CRIM1: variants seen among roughly 807,000 people sequenced by gnomAD.
CRIM1 encodes cysteine rich transmembrane BMP regulator 1, also known as cysteine-rich motor neuron 1 protein.
Under a neutral mutation model 116.4 loss-of-function variants are expected in CRIM1, and 32 were observed. That is an observed-to-expected ratio of 0.27 (90% CI 0.21 to 0.37). The LOEUF is 0.37. Among genes scored for constraint, CRIM1 ranks in the 10% least tolerant of loss-of-function variants. CRIM1 has a pLI of 1.00. For synonymous variants in CRIM1, 590 were observed against 509.2 expected (o/e 1.16, Z -2.13); for missense variants, 1,331 against 1,354.8 (o/e 0.98, Z 0.28).
intron 13 of CRIM1, among the ~76,000 whole-genome samples, chr2:36,535,836 A>G (rs771361992): frequency 5.3e-5 from 8 of 152,238 alleles, no homozygotes; most frequent in Non-Finnish European, 1.0e-4. Flanking sequence ...AATATAGTAT[A>G]ACAACTATTT....
At chr2:36,380,718 C>T (rs939060269) in intron 1 of CRIM1, among the ~76,000 whole-genome samples, 2 of 152,068 alleles carry the variant, frequency 1.3e-5, no homozygotes, top group South Asian at 2.1e-4. Flanking sequence ...TATTTCTGTT[C>T]GTTAGCCAAA....
chr2:36,412,302 G>A (rs1006918623), intron 2 of CRIM1, among the ~76,000 whole-genome samples: 1 of 144,368 alleles, frequency 6.9e-6, no homozygotes, highest in South Asian at 2.2e-4. Context: ...GGGGGCGCAC[G>A]GAATACCGAG....
intron 5 of CRIM1, among the ~76,000 whole-genome samples, chr2:36,466,154 G>A (rs1255889986): frequency 1.3e-5 from 2 of 152,090 alleles, no homozygotes; most frequent in African/African-American, 2.4e-5. Context: ...CCAAGGTACT[G>A]GGATTACACG....
At position 36,398,452 on chromosome 2, in the gene CRIM1, G is replaced by A. The variant is rs77632691; in HGVS notation, c.505+1665G>A. Among the ~76,000 whole-genome samples, 1,105 of 152,296 alleles carry A rather than the reference G, an allele frequency of 7.3e-3. 11 individuals are homozygous for A. The highest frequency in any genetic ancestry group is 0.025 in the African/African-American group (1,038 of 41,560). On this transcript the variant is annotated intron_variant, in intron 2 of 16. Coordinates refer to ENST00000280527, the MANE Select transcript of CRIM1 (RefSeq NM_016441.3). ...GGACAATTGCATTTGTAATTAGTTA[G>A]GCGTGTATTTATGATCTTTGCAATG...
chr2:36,367,760 A>T (rs2148295142), intron 1 of CRIM1, among the ~76,000 whole-genome samples: 1 of 152,320 alleles, frequency 6.6e-6, no homozygotes, highest in East Asian at 1.9e-4. Context: ...GGCAGTGGAG[A>T]CAGTAAAGCG....
chr2:36,500,449 A>T (rs1433598081), intron 8 of CRIM1, among the ~76,000 whole-genome samples: 2 of 152,218 alleles, frequency 1.3e-5, no homozygotes. Flanking sequence ...AGTAGCTAAA[A>T]ACACTAGGAA....
chr2:36,504,509 A>G (rs921934229), intron 8 of CRIM1, among the ~76,000 whole-genome samples: 1 of 152,234 alleles, frequency 6.6e-6, no homozygotes, highest in African/African-American at 2.4e-5. Flanking sequence ...ACATAACGTA[A>G]TTTGCCGTTT....
rs562274802 is a variant in CRIM1 at position 36,475,003 on chromosome 2, T to C, written c.992-1886T>C. ...CCACATAGTCTTGATTACTATAGCA[T>C]TGTATTATGTTTTGAAATTAGGAAG... On this transcript the variant is annotated intron_variant, in intron 5 of 16. Transcript: ENST00000280527. Among the ~76,000 whole-genome samples the C allele has an allele frequency of 1.5e-3, 236 of 152,340 alleles. 1 individual carries two copies. The highest frequency in any genetic ancestry group is 4.4e-3 in the Admixed American group (68 of 15,308).
At chr2:36,402,726 A>T (rs961183025) in intron 2 of CRIM1, among the ~76,000 whole-genome samples, 2 of 141,982 alleles carry the variant, frequency 1.4e-5, no homozygotes, top group Non-Finnish European at 3.0e-5. Flanking sequence ...AATTAGGTGC[A>T]TTCGAGATAC....
intron 2 of CRIM1, among the ~76,000 whole-genome samples, chr2:36,426,960 T>G (rs572535053): frequency 8.9e-4 from 136 of 152,238 alleles, no homozygotes; most frequent in Middle Eastern, 3.4e-3. Context: ...CCCAGCACTT[T>G]GGGAGGCTGA....
At chr2:36,486,748 T>C (rs1484223744) in intron 7 of CRIM1, among the ~76,000 whole-genome samples, 1 of 152,208 alleles carries the variant, frequency 6.6e-6, no homozygotes, top group Non-Finnish European at 1.5e-5. Context: ...TTGGGCCTGC[T>C]AATTTTCATC....
intron 4 of CRIM1, among the ~76,000 whole-genome samples, 154 bp downstream of exon 4, chr2:36,442,889 A>G (rs910168539): frequency 3.3e-5 from 5 of 152,186 alleles, no homozygotes; most frequent in African/African-American, 1.2e-4. Context: ...CTTGGTATTT[A>G]TATGTATCTT....
intron 2 of CRIM1, among the ~76,000 whole-genome samples, chr2:36,434,967 A>C (rs1238316044): frequency 6.6e-6 from 1 of 152,090 alleles, no homozygotes; most frequent in Non-Finnish European, 1.5e-5. Context: ...CTGGTGACAC[A>C]TGGCACCCGT....
At chr2:36,497,788 T>A (rs1466698538) in intron 7 of CRIM1, among the ~76,000 whole-genome samples, 2 of 152,156 alleles carry the variant, frequency 1.3e-5, no homozygotes, top group Non-Finnish European at 2.9e-5. Flanking sequence ...CTGTGAAGAG[T>A]TGAATCACTG....
chr2:36,457,927 G>A (rs1677272963), intron 4 of CRIM1, among the ~76,000 whole-genome samples: 1 of 152,126 alleles, frequency 6.6e-6, no homozygotes, highest in Admixed American at 6.5e-5. Flanking sequence ...ACACTGTGTA[G>A]AATCCTAGTA....
At position 36,517,332 on chromosome 2, in the gene CRIM1, T is replaced by C; in HGVS notation, c.1996T>C (p.Phe666Leu). 6.2e-7 allele frequency: 1 copy of C among 1,613,872 alleles called. No individual in the cohort carries two copies. The highest frequency in any genetic ancestry group is 8.5e-7 in the Non-Finnish European group (1 of 1,179,744). The change falls in exon 12 of 17, where the codon TTT (phenylalanine) becomes CTT (leucine). Residue 666 changes from phenylalanine (F) to leucine (L), a missense_variant. Phe to Leu is a conservative substitution (Grantham distance 22, BLOSUM62 0). This residue lies in a region of CRIM1 where 358 missense variants were observed against 436.1 expected (regional missense o/e 0.82). Transcript: ENST00000280527. ...GATTTTGTGTCATTTCCCAGATGAC[T>C]TTGTGGTGCAGAAGCCAGAGCTCAG... ...GQCCPSCADD[F>L]VVQKPELSTP...
intron 10 of CRIM1, chr2:36,513,334 G>A (rs77707544): frequency 2.1e-5 from 11 of 531,010 alleles, no homozygotes; most frequent in Admixed American, 6.4e-5. Flanking sequence ...ATCATCCCAC[G>A]AATTGGAGAG....
intron 2 of CRIM1, among the ~76,000 whole-genome samples, chr2:36,409,364 C>G (rs1005402280): frequency 2.0e-5 from 3 of 152,062 alleles, no homozygotes; most frequent in Non-Finnish European, 4.4e-5. Context: ...AGAGTGTTAC[C>G]TCTGCCAGCA....
chr2:36,384,252 C>T (rs1671002402), intron 1 of CRIM1, among the ~76,000 whole-genome samples: 1 of 152,234 alleles, frequency 6.6e-6, no homozygotes, highest in African/African-American at 2.4e-5. Context: ...CTTGAGGCTG[C>T]AGTAGCCGGG....
Sources: gnomAD v4.1 joint callset for allele counts (sites outside exome capture counted in the v4.1 genomes callset) on GRCh38, gnomAD v4.1.1 for gene constraint, gnomAD v4.1.1 regional missense constraint, MANE v1.5 for transcripts, NCBI Gene and HGNC (gene_info 2026-07-23, HGNC 2026-07-21) for gene names.